Variants in MGAT4C observed in about 807,000 individuals in gnomAD.
The protein encoded by MGAT4C is alpha-1,3-mannosyl-glycoprotein 4-beta-N-acetylglucosaminyltransferase C.
Under a neutral mutation model 40.1 loss-of-function variants are expected in MGAT4C, and 19 were observed. The observed-to-expected ratio is 0.47, with a 90% CI of 0.33 to 0.70. The LOEUF is 0.70. Ranked by LOEUF, MGAT4C falls within the 30% of genes least tolerant of loss-of-function variation. The pLI, the probability that MGAT4C is intolerant of heterozygous loss-of-function variation, is 0.02. For missense variants in MGAT4C, 491 were observed against 563.2 expected (o/e 0.87, Z 1.30); for synonymous variants, 181 against 187.1 (o/e 0.97, Z 0.27).
At chr12:86,425,986 C>T (rs770168572) in intron 3 of MGAT4C, among the ~76,000 whole-genome samples, 6 of 151,884 alleles carry the variant, frequency 4.0e-5, no homozygotes, top group Admixed American at 6.6e-5. Context: ...TATATTTTAT[C>T]TCAATAAAAT....
At chr12:86,697,308 T>C (rs1950275996) in intron 2 of MGAT4C, among the ~76,000 whole-genome samples, 1 of 152,116 alleles carries the variant, frequency 6.6e-6, no homozygotes. Flanking sequence ...TTACCATTCA[T>C]ATATGCTGAG....
intron 1 of MGAT4C, among the ~76,000 whole-genome samples, chr12:86,212,094 A>C (rs149580764): frequency 1.6e-3 from 247 of 152,306 alleles, no homozygotes; most frequent in African/African-American, 5.4e-3. Flanking sequence ...TAGCCCTAGA[A>C]TCATCATTAC....
chr12:86,299,325 G>T (rs1018228486), intron 4 of MGAT4C, among the ~76,000 whole-genome samples: 1 of 152,090 alleles, frequency 6.6e-6, no homozygotes, highest in African/African-American at 2.4e-5. Flanking sequence ...TACCGTGTTA[G>T]CCAGGATGGT....
intron 4 of MGAT4C, among the ~76,000 whole-genome samples, chr12:86,283,964 A>G (rs1953284021): frequency 6.6e-6 from 1 of 152,130 alleles, no homozygotes; most frequent in South Asian, 2.1e-4. Context: ...TAAATCTACT[A>G]CAAACATTAC....
In MGAT4C at chr12:86,432,626, A is replaced by G. The variant is rs146756720; in HGVS notation, c.-120+2531T>C. On this transcript the variant is annotated intron_variant, in intron 3 of 7. Coordinates refer to the MGAT4C transcript ENST00000548651. ...AGCTTTGTAGATTTGTAGGCAAAAGAACACAGGGGAACCCATTAAATAATC... is the reference window on the plus strand; with the variant it reads ...AGCTTTGTAGATTTGTAGGCAAAAGGACACAGGGGAACCCATTAAATAATC... 1.2e-3 allele frequency among the ~76,000 whole-genome samples: 190 copies of G among 152,160 alleles called. 4 individuals carry two copies. Among genetic ancestry groups the G allele is most frequent in the African/African-American group, 4.3e-3 (178 of 41,538 alleles).
intron 3 of MGAT4C, among the ~76,000 whole-genome samples, chr12:86,387,983 A>AC (rs1163981699): frequency 6.6e-6 from 1 of 152,176 alleles, no homozygotes; most frequent in African/African-American, 2.4e-5. Context: ...GTTTCAAGAT[A>AC]TTAATGCTCA....
At chr12:86,215,494 C>T (rs370644566) in intron 1 of MGAT4C, among the ~76,000 whole-genome samples, 109 of 152,226 alleles carry the variant, frequency 7.2e-4, no homozygotes, top group African/African-American at 2.4e-3. Flanking sequence ...AGCAGAATTT[C>T]AGCCAATGAT....
At chr12:86,238,763 A>G (rs1951655555) in intron 1 of MGAT4C, among the ~76,000 whole-genome samples, 1 of 152,076 alleles carries the variant, frequency 6.6e-6, no homozygotes, top group Non-Finnish European at 1.5e-5. Flanking sequence ...AGGCCATTGA[A>G]TAAGCAGCTA....
At chr12:86,422,693 T>C (rs2136258324) in intron 3 of MGAT4C, among the ~76,000 whole-genome samples, 1 of 152,352 alleles carries the variant, frequency 6.6e-6, no homozygotes, top group African/African-American at 2.4e-5. Context: ...TTCTGGCTAA[T>C]GTGACACAAT....
chr12:86,718,648 A>C (rs1440298465), intron 2 of MGAT4C, among the ~76,000 whole-genome samples: 2 of 152,154 alleles, frequency 1.3e-5, no homozygotes. Context: ...GCTGCACAGC[A>C]GGAGGTGAAC....
intron 4 of MGAT4C, among the ~76,000 whole-genome samples, chr12:86,302,895 G>A (rs1305953917): frequency 6.6e-6 from 1 of 150,614 alleles, no homozygotes; most frequent in Non-Finnish European, 1.5e-5. Context: ...GTGGTGTGAG[G>A]GATGAAAGCT....
At chr12:86,707,162 C>G (rs1409563735) in intron 2 of MGAT4C, among the ~76,000 whole-genome samples, 1 of 151,986 alleles carries the variant, frequency 6.6e-6, no homozygotes, top group African/African-American at 2.4e-5. Context: ...TAAATTGGTA[C>G]CAGTAAAGTG....
At chr12:86,169,577 T>G (rs544477996) in intron 1 of MGAT4C, among the ~76,000 whole-genome samples, 1 of 152,310 alleles carries the variant, frequency 6.6e-6, no homozygotes, top group Non-Finnish European at 1.5e-5. Flanking sequence ...TTTGTTTACC[T>G]TTGGGTACTC....
At chr12:86,502,841 CATAT>C (rs1167419122) in intron 2 of MGAT4C, among the ~76,000 whole-genome samples, 3 of 85,620 alleles carry the variant, frequency 3.5e-5, no homozygotes, top group African/African-American at 1.5e-4. Context: ...GAGTTCTGCT[CATAT>C]ATATATATGA....
intron 2 of MGAT4C, among the ~76,000 whole-genome samples, chr12:86,435,758 G>A (rs1957125702): frequency 1.3e-5 from 2 of 151,802 alleles, no homozygotes; most frequent in Non-Finnish European, 2.9e-5. Context: ...TCTGAGACCA[G>A]CTCTGCTGCA....
intron 2 of MGAT4C, among the ~76,000 whole-genome samples, chr12:86,580,008 G>GC (rs56054953): frequency 0.85 from 128,790 of 151,342 alleles, 55,336 homozygotes; most frequent in East Asian, 0.96. Context: ...ATTATTAAAT[G>GC]CTTGAGGTAG....
At chr12:86,684,295 T>C (rs954749804) in intron 2 of MGAT4C, among the ~76,000 whole-genome samples, 6 of 152,180 alleles carry the variant, frequency 3.9e-5, no homozygotes, top group Non-Finnish European at 8.8e-5. Flanking sequence ...GGTTTTCTGT[T>C]CCTGTGTTAA....
At position 86,065,288 on chromosome 12, in the gene MGAT4C, T is replaced by C. The variant is rs557063679; in HGVS notation, c.-56-15565A>G. The stretch of plus-strand genomic sequence containing the variant: ...GAAAATTTCAGGCCAATATCCCTGA[T>C]GAACATACATGAAAAAATCCTCAAT... On this transcript the variant is annotated intron_variant, in intron 1 of 4. Coordinates refer to ENST00000611864, the MANE Select transcript of MGAT4C (RefSeq NM_001351288.2). Among the ~76,000 whole-genome samples, 6 of 152,248 alleles carry C rather than the reference T, an allele frequency of 3.9e-5. No homozygotes were observed. In the East Asian group the frequency reaches 9.6e-4, roughly 24 times the overall value.
chr12:86,317,271 G>A (rs1335237357), intron 4 of MGAT4C, among the ~76,000 whole-genome samples: 1 of 152,064 alleles, frequency 6.6e-6, no homozygotes, highest in Middle Eastern at 3.2e-3. Context: ...TGTTAGAAGG[G>A]AAGAGAGAGG....
Sources: gnomAD v4.1 joint callset for allele counts (sites outside exome capture counted in the v4.1 genomes callset) on GRCh38, gnomAD v4.1.1 for gene constraint, MANE v1.5 for transcripts, NCBI Gene and HGNC (gene_info 2026-07-23, HGNC 2026-07-21) for gene names.